FRYL: variants seen among roughly 807,000 people sequenced by gnomAD.
FRYL encodes FRY like transcription coactivator.
FRYL carries 150 observed loss-of-function variants against 351.2 expected under a neutral mutation model. The observed-to-expected ratio is 0.43, with a 90% CI of 0.37 to 0.49. FRYL has a LOEUF of 0.49. FRYL is among the 20% of genes least tolerant of loss of function. FRYL has a pLI of 0.00. For missense variants in FRYL, 3,036 were observed against 3,619.3 expected, an observed-to-expected ratio of 0.84 and a Z score of 4.13; for synonymous variants, 1,153 against 1,257.1, an observed-to-expected ratio of 0.92 and a Z score of 1.75.
intron 62 of FRYL, among the ~76,000 whole-genome samples, chr4:48,500,548 A>G (rs1378953386): frequency 6.6e-6 from 1 of 152,204 alleles, no homozygotes; most frequent in Non-Finnish European, 1.5e-5. Flanking sequence ...TATAACAGTA[A>G]AGTCTTTAGA....
At chr4:48,656,527 CATATATGCATTATATATAATGTATAT>C in intron 3 of FRYL, among the ~76,000 whole-genome samples, 2 of 117,228 alleles carry the variant, frequency 1.7e-5, no homozygotes, top group Non-Finnish European at 3.3e-5. Flanking sequence ...GTAATGTATA[CATATATGCATTATATATAATGTATAT>C]AGTAATGTAT....
intron 16 of FRYL, among the ~76,000 whole-genome samples, chr4:48,591,735 T>A (rs924579660): frequency 1.7e-4 from 26 of 152,106 alleles, no homozygotes; most frequent in Non-Finnish European, 2.9e-5. Flanking sequence ...AACAACTGCA[T>A]ATACTTACAT....
intron 2 of FRYL, among the ~76,000 whole-genome samples, chr4:48,709,348 C>G (rs1231360513): frequency 6.6e-6 from 1 of 151,944 alleles, no homozygotes; most frequent in Admixed American, 6.6e-5. Context: ...ATGAGAGCCA[C>G]TAATATGATA....
intron 1 of FRYL, among the ~76,000 whole-genome samples, chr4:48,739,075 C>A (rs1172967232): frequency 6.6e-6 from 1 of 152,002 alleles, no homozygotes; most frequent in Non-Finnish European, 1.5e-5. Flanking sequence ...ATCAATGAAA[C>A]AGAACAGAGA....
chr4:48,565,614 G>A lies in FRYL; in HGVS notation c.3247C>T (p.Pro1083Ser), dbSNP rs199680324. 4.3e-6 allele frequency: 7 copies of A among 1,613,862 alleles called. No homozygotes were observed. The East Asian group carries it at 8.9e-5, about 21-fold the overall frequency. ...LFMLFSHWAG[P>S]FSIMFTPLDR... ...AAGGGCGTAAACATGATGCTAAAAGGACCTGCCCAGTGACTGAACAGCATA... is the reference window on the plus strand; with the variant it reads ...AAGGGCGTAAACATGATGCTAAAAGAACCTGCCCAGTGACTGAACAGCATA... The change falls in exon 29 of 64, where the codon CCT (proline) becomes TCT (serine). Residue 1083 changes from proline (P) to serine (S), a missense_variant. Pro to Ser is a moderately conservative substitution (Grantham distance 74). This residue lies in a region of FRYL where 1,987 missense variants were observed against 2,311.7 expected (regional missense o/e 0.86). Transcript: ENST00000358350.
intron 53 of FRYL, among the ~76,000 whole-genome samples, chr4:48,524,280 G>A (rs1725517176): frequency 6.6e-6 from 1 of 151,898 alleles, no homozygotes; most frequent in South Asian, 2.1e-4. Context: ...TCTGGTTGAA[G>A]GTGTCCAGGA....
intron 1 of FRYL, among the ~76,000 whole-genome samples, chr4:48,756,061 T>G (rs1773741213): frequency 6.6e-6 from 1 of 151,592 alleles, no homozygotes; most frequent in African/African-American, 2.4e-5. Context: ...CAGGGAGACC[T>G]CATCTCTATA....
chr4:48,538,294 C>T (rs925666230), intron 47 of FRYL, among the ~76,000 whole-genome samples: 14 of 152,012 alleles, frequency 9.2e-5, no homozygotes, highest in African/African-American at 3.4e-4. Context: ...AAAATAATGG[C>T]TCTTTTAAAA....
At chr4:48,583,535 C>A (rs1741393184) in intron 19 of FRYL, among the ~76,000 whole-genome samples, 1 of 151,120 alleles carries the variant, frequency 6.6e-6, no homozygotes, top group Admixed American at 6.6e-5. Flanking sequence ...GGAATCAATG[C>A]AACACAATAA....
At chr4:48,710,009 G>A (rs1254461492) in intron 2 of FRYL, among the ~76,000 whole-genome samples, 3 of 152,072 alleles carry the variant, frequency 2.0e-5, no homozygotes, top group Non-Finnish European at 4.4e-5. Context: ...TGTGTTCTGA[G>A]TAAATATCAG....
chr4:48,772,679 CAAAAAAAAAA>C (rs33926702), intron 1 of FRYL, among the ~76,000 whole-genome samples: 2 of 50,266 alleles, frequency 4.0e-5, no homozygotes, highest in African/African-American at 6.3e-5. Flanking sequence ...AGAGACCTAC[CAAAAAAAAAA>C]AAAAAAAAAA....
At chr4:48,648,179 C>T (rs573583205) in intron 3 of FRYL, among the ~76,000 whole-genome samples, 52 of 152,258 alleles carry the variant, frequency 3.4e-4, no homozygotes, top group African/African-American at 1.2e-3. Context: ...CTTTCAATAG[C>T]ATCCTAACTT....
At chr4:48,722,770 C>T (rs1195546025) in intron 1 of FRYL, among the ~76,000 whole-genome samples, 1 of 152,150 alleles carries the variant, frequency 6.6e-6, no homozygotes, top group Non-Finnish European at 1.5e-5. Flanking sequence ...TTTTTATACA[C>T]AATTGGTTCA....
At position 48,534,463 on chromosome 4, in the gene FRYL, C is replaced by T. The variant is rs1459755094; in HGVS notation, c.6705+82G>A. The stretch of plus-strand genomic sequence containing the variant: ...GTTGAACCACTTCCCCATTCTTCGA[C>T]ATTTAAGGCATTTCCAATATTGTGT... On this transcript the variant is annotated intron_variant, in intron 49 of 63. Coordinates refer to ENST00000358350, the MANE Select transcript of FRYL (RefSeq NM_015030.2). 7.5e-6 allele frequency: 8 copies of T among 1,070,724 alleles called. No individual in the cohort carries two copies. The South Asian group carries it at 8.6e-5, about 12-fold the overall frequency. 66.3% of individuals were successfully genotyped at this position (1,070,724 alleles called of 1,614,324 possible).
At chr4:48,678,948 T>C (rs901607617) in intron 3 of FRYL, among the ~76,000 whole-genome samples, 1 of 151,780 alleles carries the variant, frequency 6.6e-6, no homozygotes, top group Non-Finnish European at 1.5e-5. Context: ...AGATAGTCTT[T>C]AAAAAAAAGA....
At chr4:48,728,260 C>T (rs763643922) in intron 1 of FRYL, among the ~76,000 whole-genome samples, 1 of 151,684 alleles carries the variant, frequency 6.6e-6, no homozygotes, top group African/African-American at 2.4e-5. Flanking sequence ...AAGCAGATGA[C>T]ATAGCAAAAA....
chr4:48,766,112 A>G (rs1774914005), intron 1 of FRYL, among the ~76,000 whole-genome samples: 1 of 152,248 alleles, frequency 6.6e-6, no homozygotes, highest in Non-Finnish European at 1.5e-5. Context: ...CAAATGATCC[A>G]GCAATTTCAC....
At chr4:48,708,805 G>T (rs1767668785) in intron 2 of FRYL, among the ~76,000 whole-genome samples, 1 of 152,138 alleles carries the variant, frequency 6.6e-6, no homozygotes, top group East Asian at 1.9e-4. Flanking sequence ...TGTTGCCCAG[G>T]CTGGTCTCAA....
At position 48,711,099 on chromosome 4, in the gene FRYL, T is replaced by G. The variant is rs553618633; in HGVS notation, c.-383-401A>C. On this transcript the variant is annotated intron_variant, in intron 1 of 63. Transcript: ENST00000358350. ...GGGGGGAGGAGCCAAGATGGCCGAATAGGAACAGCTCCGGTCTACAGCTCC... is the reference window on the plus strand; with the variant it reads ...GGGGGGAGGAGCCAAGATGGCCGAAGAGGAACAGCTCCGGTCTACAGCTCC... 3.9e-5 allele frequency among the ~76,000 whole-genome samples: 6 copies of G among 152,256 alleles called. 1 individual carries two copies. The highest frequency in any genetic ancestry group is 1.4e-4 in the African/African-American group (6 of 41,546).
Sources: allele counts gnomAD v4.1 joint callset (sites outside exome capture counted in the v4.1 genomes callset), GRCh38; gene constraint gnomAD v4.1.1; regional missense constraint gnomAD v4.1.1; transcripts MANE v1.5; gene names NCBI Gene and HGNC (gene_info 2026-07-23, HGNC 2026-07-21).